Variants in GZF1 observed in about 807,000 individuals in gnomAD.
The protein encoded by GZF1 is GDNF inducible zinc finger protein 1, also known as GDNF-inducible zinc finger protein 1.
Under a neutral mutation model 49.4 loss-of-function variants are expected in GZF1, and 28 were observed. The observed-to-expected ratio is 0.57, with a 90% confidence interval of 0.42 to 0.78. The LOEUF (loss-of-function observed/expected upper bound fraction) is 0.78. GZF1 is among the 30% of genes least tolerant of loss of function. The pLI is 0.00. For synonymous variants in GZF1, 364 were observed against 356.0 expected (o/e 1.02, Z -0.25); for missense variants, 798 against 916.2 (o/e 0.87, Z 1.67).
At chr20:23,368,012 GAA>G (rs1981602836) in intron 3 of GZF1, among the ~76,000 whole-genome samples, 2 of 152,168 alleles carry the variant, frequency 1.3e-5, no homozygotes, top group Admixed American at 1.3e-4. Context: ...TGCTCATTCT[GAA>G]GTCATAATTC....
At chr20:23,365,783 C>CT in intron 2 of GZF1, 36 bp downstream of exon 2, 1 of 1,477,242 alleles carries the variant, frequency 6.8e-7, no homozygotes, top group East Asian at 2.4e-5. Flanking sequence ...TCCCTGCGCA[C>CT]TGGAAGGGTG....
In GZF1 at chr20:23,364,486, G is replaced by A; in HGVS notation, c.103G>A (p.Val35Ile). Residue 35 changes from valine to isoleucine, a missense_variant, in exon 2 of 6, where the codon GTC (valine) becomes ATC (isoleucine). Around this residue, in one of 3 missense-constraint regions of GZF1, gnomAD observed 105 missense variants for 147.5 expected, o/e 0.71. Transcript: ENST00000338121. ...RLLGHLCDVTVSVEYQGVRKD... is the reference protein window; with the variant it reads ...RLLGHLCDVTISVEYQGVRKD... ...CCTGGGTCACCTGTGTGACGTGACA[G>A]TCAGCGTGGAGTATCAGGGTGTCCG... 1 of 1,614,248 alleles carries A rather than the reference G, an allele frequency of 6.2e-7. No homozygotes were observed. The highest frequency in any genetic ancestry group is 8.5e-7 in the Non-Finnish European group (1 of 1,180,040).
intron 3 of GZF1, 73 bp downstream of exon 3, chr20:23,367,170 G>A (rs1475967631): frequency 9.0e-7 from 1 of 1,113,728 alleles, no homozygotes; most frequent in Non-Finnish European, 1.4e-6. Context: ...TAATTTTGAA[G>A]TTGGCATCTA....
chr20:23,364,127 C>G (rs1159759833), intron 1 of GZF1, among the ~76,000 whole-genome samples: 1 of 152,248 alleles, frequency 6.6e-6, no homozygotes, highest in Non-Finnish European at 1.5e-5. Flanking sequence ...TTGTTTATCA[C>G]TGGAGGAAAC....
In GZF1 at chr20:23,365,103, T is replaced by G. The variant is rs763976929; in HGVS notation, c.720T>G (p.Tyr240Ter). 1 of 1,613,902 alleles carries G rather than the reference T, an allele frequency of 6.2e-7. No homozygotes were observed. The highest frequency in any genetic ancestry group is 1.7e-5 in the Admixed American group (1 of 60,018). ...TTGTGGAGATCCCTAAAAAGAAATATACGAGAAGACTCCGAGAGCAGCAGA... is the reference window on the plus strand; with the variant it reads ...TTGTGGAGATCCCTAAAAAGAAATAGACGAGAAGACTCCGAGAGCAGCAGA... The part of the protein sequence containing the change: ...KVFVEIPKKK[Y>*]TRRLREQQKT... Residue 240 changes from tyrosine to a stop codon, truncating the protein, a stop_gained, in exon 2 of 6, where the codon TAT (tyrosine) becomes TAG (stop). Transcript: ENST00000338121. LOFTEE classifies it high-confidence loss of function.
upstream of GZF1, among the ~76,000 whole-genome samples, chr20:23,361,916 C>T (rs1980696101): frequency 1.3e-5 from 2 of 152,338 alleles, no homozygotes; most frequent in South Asian, 4.1e-4. Context: ...TGGCGTGCCG[C>T]AGCGCAGACG....
rs975767548 is a variant in GZF1, at chr20:23,371,445, T to G, written c.*1004T>G. On this transcript the variant is annotated 3_prime_UTR_variant, in exon 6 of 6. Coordinates refer to ENST00000338121, the MANE Select transcript of GZF1 (RefSeq NM_022482.5). ...GCAAGTAACTGACATGTCTATTTCCTTGGGAGCATGTGAGAACATAGCAGT... is the reference window on the plus strand; with the variant it reads ...GCAAGTAACTGACATGTCTATTTCCGTGGGAGCATGTGAGAACATAGCAGT... 1.3e-5 allele frequency: 2 copies of G among 152,632 alleles called. No homozygotes were observed. The highest frequency in any genetic ancestry group is 4.8e-5 in the African/African-American group (2 of 41,460). The allele number at this position is 152,632 out of a possible 1,614,324, so 9.5% of individuals were successfully genotyped here. A position where few individuals can be genotyped will look rare whatever the true frequency, so the allele number is the denominator to read the frequency against.
intron 2 of GZF1, among the ~76,000 whole-genome samples, 198 bp downstream of exon 2, chr20:23,365,945 G>C (rs1981312155): frequency 6.6e-6 from 1 of 152,240 alleles, no homozygotes; most frequent in South Asian, 2.1e-4. Context: ...TGAGACCCCT[G>C]GGGCGCCCCT....
Position 23,364,545 on chromosome 20 carries a change from T to C in GZF1, c.162T>C (p.Ala54=). 6.2e-7 allele frequency: 1 copy of C among 1,614,234 alleles called. No homozygotes were observed. The highest frequency in any genetic ancestry group is 1.1e-5 in the South Asian group (1 of 91,092). Residue 54 remains alanine (A), a synonymous_variant, in exon 2 of 6, where the codon GCT becomes GCC. Transcript: ENST00000338121. ...KDFMAHKAVL[A]ATSKFFKEVF... ...TCATGGCCCACAAGGCAGTGCTGGC[T>C]GCCACCAGCAAGTTTTTTAAGGAAG...
chr20:23,365,379 C>T lies in GZF1; in HGVS notation c.996C>T (p.Phe332=). The part of the protein sequence containing the change: ...CEKAFLYEKS[F]LKHSKHRHGV... ...AGGCGTTTCTGTATGAGAAGAGCTTCCTGAAGCACAGCAAGCACCGCCACG... is the reference window on the plus strand; with the variant it reads ...AGGCGTTTCTGTATGAGAAGAGCTTTCTGAAGCACAGCAAGCACCGCCACG... Residue 332 remains phenylalanine (F), a synonymous_variant, in exon 2 of 6, where the codon TTC becomes TTT. Coordinates refer to ENST00000338121, the MANE Select transcript of GZF1 (RefSeq NM_022482.5). The T allele has an allele frequency of 6.2e-7, 1 of 1,613,714 alleles. No homozygotes were observed. Among genetic ancestry groups the T allele is most frequent in the Non-Finnish European group, 8.5e-7 (1 of 1,179,870 alleles).
chr20:23,371,235 G>A lies in GZF1; in HGVS notation c.*794G>A, dbSNP rs1043804833. On this transcript the variant is annotated 3_prime_UTR_variant, in exon 6 of 6. Transcript: ENST00000338121. ...AAACAATATAGTATTTTTTTGCAGA[G>A]GCATGAAAAATTAAGACGCTTTAGA... 6.6e-6 allele frequency: 1 copy of A among 152,560 alleles called. No individual in the cohort carries two copies. Among genetic ancestry groups the A allele is most frequent in the Non-Finnish European group, 1.5e-5 (1 of 68,022 alleles). 9.5% of individuals were successfully genotyped at this position (152,560 alleles called of 1,614,324 possible). A position where few individuals can be genotyped will look rare whatever the true frequency, so the allele number is the denominator to read the frequency against.
rs1326332187 is a variant in GZF1 at position 23,368,833 on chromosome 20, A to G, written c.1531A>G (p.Arg511Gly). The stretch of plus-strand genomic sequence containing the variant: ...TAAGGAGTACTTAAAACACCACAAT[A>G]GAATCCATACTGGATCCAAACCCTT... ...ASKEYLKHHN[R>G]IHTGSKPFKC... Residue 511 changes from arginine (R) to glycine (G), a missense_variant, in exon 4 of 6, where the codon AGA (arginine) becomes GGA (glycine). Physicochemically the swap from Arg to Gly is moderately radical, Grantham distance 125. This residue lies in a region of GZF1 where 446 missense variants were observed against 540.1 expected (regional missense o/e 0.83). Coordinates refer to ENST00000338121, the MANE Select transcript of GZF1 (RefSeq NM_022482.5). 1.2e-6 allele frequency: 2 copies of G among 1,613,732 alleles called. No individual in the cohort carries two copies. The highest frequency in any genetic ancestry group is 1.7e-6 in the Non-Finnish European group (2 of 1,179,762).
chr20:23,364,917 G>T lies in GZF1; in HGVS notation c.534G>T (p.Thr178=), dbSNP rs141727593. 2 of 1,614,074 alleles carry T rather than the reference G, an allele frequency of 1.2e-6. No individual in the cohort carries two copies. The highest frequency in any genetic ancestry group is 8.5e-7 in the Non-Finnish European group (1 of 1,180,040). Residue 178 remains threonine (T), a synonymous_variant, in exon 2 of 6, where the codon ACG becomes ACT. Coordinates refer to ENST00000338121, the MANE Select transcript of GZF1 (RefSeq NM_022482.5). The stretch of plus-strand genomic sequence containing the variant: ...ATGGCCCTCACCCCAGTGGTCTCAC[G>T]GATTCCTTGGACTACCCAGGAGAGA... ...ATDGPHPSGL[T]DSLDYPGERA...
intron 3 of GZF1, 64 bp from the exon 4 acceptor site, chr20:23,368,698 C>CCTA: frequency 7.7e-6 from 10 of 1,297,004 alleles, no homozygotes; most frequent in Non-Finnish European, 1.0e-5. Context: ...ACAGTGGAGA[C>CCTA]CTACTGTTCC....
In GZF1 at chr20:23,364,942, A is replaced by C. The variant is rs887749407; in HGVS notation, c.559A>C (p.Arg187=). The C allele has an allele frequency of 4.2e-5, 67 of 1,614,118 alleles. No homozygotes were observed. The highest frequency in any genetic ancestry group is 5.0e-5 in the Non-Finnish European group (59 of 1,180,042). Residue 187 remains arginine, a synonymous_variant, in exon 2 of 6, where the codon AGA becomes CGA. Transcript: ENST00000338121. ...LTDSLDYPGE[R]ASNGMSSDLP... is the part of the protein sequence containing the mutation. ...GGATTCCTTGGACTACCCAGGAGAG[A>C]GAGCCAGCAATGGCATGTCTTCAGA...
At chr20:23,363,275 G>A (rs1980909449) in intron 1 of GZF1, 1 of 152,344 alleles carries the variant, frequency 6.6e-6, no homozygotes, top group Non-Finnish European at 1.5e-5. Context: ...CTAGAAGGAA[G>A]GCATGTGCTT....
rs763445116 is a variant in GZF1 at position 23,370,086 on chromosome 20, T to C, written c.1786-5T>C. On this transcript the variant is annotated splice_polypyrimidine_tract_variant and splice_region_variant and intron_variant, in intron 5 of 5. Coordinates refer to ENST00000338121, the MANE Select transcript of GZF1 (RefSeq NM_022482.5). ...AGTGACCTTTGTTTTGTGTTTAACT[T>C]ATAGATACACGATAAGAATACTCCA... 9.3e-6 allele frequency: 15 copies of C among 1,610,784 alleles called. No homozygotes were observed. Among genetic ancestry groups the C allele is most frequent in the Non-Finnish European group, 1.3e-5 (15 of 1,177,112 alleles).
chr20:23,364,146 A>G (rs560620458), intron 1 of GZF1, among the ~76,000 whole-genome samples: 1 of 152,352 alleles, frequency 6.6e-6, no homozygotes, highest in Non-Finnish European at 1.5e-5. Context: ...ACCTTAGAAT[A>G]CACTATTTTT....
At chr20:23,361,422 G>A (rs1330506946), upstream of GZF1, among the ~76,000 whole-genome samples, 1 of 152,264 alleles carries the variant, frequency 6.6e-6, no homozygotes, top group Non-Finnish European at 1.5e-5. Context: ...TTTCCCCGAA[G>A]AGTGGATGGG....
Sources: allele counts gnomAD v4.1 joint callset (sites outside exome capture counted in the v4.1 genomes callset), GRCh38; gene constraint gnomAD v4.1.1; regional missense constraint gnomAD v4.1.1; transcripts MANE v1.5; gene names NCBI Gene and HGNC (gene_info 2026-07-23, HGNC 2026-07-21).